The following ZNF891 variants were observed in gnomAD, a reference collection of about 807,000 sequenced individuals.
The protein encoded by ZNF891 is zinc finger protein 891.
For synonymous variants in ZNF891, 199 were observed against 209.0 expected, an observed-to-expected ratio of 0.95 and a Z score of 0.41; for missense variants, 589 against 632.7, an observed-to-expected ratio of 0.93 and a Z score of 0.74.
Position 133,106,105 on chromosome 12 carries a change from G to A in ZNF891, c.*14179C>T. The A allele has an allele frequency of 2.5e-6, 4 of 1,614,100 alleles. No individual in the cohort carries two copies. Among genetic ancestry groups the A allele is most frequent in the Non-Finnish European group, 1.7e-6 (2 of 1,179,996 alleles). Reference sequence around the variant, plus strand: ...TAGGAAAGAAACAATATATATGTAGGAAATGTGGTAAAGCATTTAGCAGTG... The same window carrying A: ...TAGGAAAGAAACAATATATATGTAGAAAATGTGGTAAAGCATTTAGCAGTG... On this transcript the variant is annotated 3_prime_UTR_variant, in exon 2 of 2. Transcript: ENST00000537226.
chr12:133,125,555 A>C, intron 1 of ZNF891: 1 of 190,252 alleles, frequency 5.3e-6, no homozygotes, highest in Non-Finnish European at 1.1e-5. Context: ...AAGGTCAAAA[A>C]GGCAGTGGTG....
chr12:133,124,736 AATATAAAAGGCCTTTTAT>A (rs1409846639), intron 1 of ZNF891, among the ~76,000 whole-genome samples: 2 of 144,834 alleles, frequency 1.4e-5, no homozygotes, highest in Non-Finnish European at 3.1e-5. Context: ...GACTGAGAGC[AATATAAAAGGCCTTTTAT>A]ATTGCTCTCA....
Position 133,120,192 on chromosome 12 carries a change from C to A in ZNF891, c.*92G>T. 1 of 1,074,778 alleles carries A rather than the reference C, an allele frequency of 9.3e-7. No individual in the cohort carries two copies. Among genetic ancestry groups the A allele is most frequent in the Non-Finnish European group, 1.3e-6 (1 of 783,302 alleles). The allele number at this position is 1,074,778 out of a possible 1,614,324, so 66.6% of individuals were successfully genotyped here. A position where few individuals can be genotyped will look rare whatever the true frequency, so the allele number is the denominator to read the frequency against. On this transcript the variant is annotated 3_prime_UTR_variant, in exon 2 of 2. Coordinates refer to ENST00000537226, the MANE Select transcript of ZNF891 (RefSeq NM_001277291.2). Reference sequence around the variant, plus strand: ...TATTAAAAAAAGAGCCATTTGTAACCTTAAATCGTTCTTTTAGAGAACAAA... The same window carrying A: ...TATTAAAAAAAGAGCCATTTGTAACATTAAATCGTTCTTTTAGAGAACAAA...
intron 1 of ZNF891, among the ~76,000 whole-genome samples, chr12:133,127,678 G>T (rs1955830199): frequency 6.6e-6 from 1 of 152,198 alleles, no homozygotes; most frequent in East Asian, 1.9e-4. Context: ...ACAGGAAACA[G>T]GAGATTTAAC....
At position 133,106,033 on chromosome 12, in the gene ZNF891, G is replaced by A; in HGVS notation, c.*14251C>T. 6.2e-7 allele frequency: 1 copy of A among 1,614,092 alleles called. No individual in the cohort carries two copies. Among genetic ancestry groups the A allele is most frequent in the South Asian group, 1.1e-5 (1 of 91,064 alleles). The stretch of plus-strand genomic sequence containing the variant: ...CTTATGAATGTACTGAGTGTGGAAA[G>A]GCCTTTAGCCGTGCCTCCAACCTCA... On this transcript the variant is annotated 3_prime_UTR_variant, in exon 2 of 2. Transcript: ENST00000537226.
intron 1 of ZNF891, among the ~76,000 whole-genome samples, chr12:133,128,459 C>T (rs61951784): frequency 7.3e-4 from 111 of 152,038 alleles, no homozygotes; most frequent in Non-Finnish European, 1.3e-3. Context: ...CCGTGAAACC[C>T]CGTCTCTACT....
chr12:133,105,875 C>T lies in ZNF891; in HGVS notation c.*14409G>A, dbSNP rs1593811288. 2 of 1,614,120 alleles carry T rather than the reference C, an allele frequency of 1.2e-6. No homozygotes were observed. The highest frequency in any genetic ancestry group is 1.7e-6 in the Non-Finnish European group (2 of 1,180,024). On this transcript the variant is annotated 3_prime_UTR_variant, in exon 2 of 2. Transcript: ENST00000537226. ...TAAGGAATGTGGCAAAACCTTTAGC[C>T]AGATTTCAAACCTTGTGAAACACCA...
Position 133,107,491 on chromosome 12 carries a change from A to G in ZNF891, c.*12793T>C, listed in dbSNP as rs1955639870. On this transcript the variant is annotated 3_prime_UTR_variant, in exon 2 of 2. Coordinates refer to ENST00000537226, the MANE Select transcript of ZNF891 (RefSeq NM_001277291.2). ...CTGAAAATGTAACTACAATATTGAC[A>G]TAAAAAATAAACAGTAGTTTTTCTT... 6.6e-6 allele frequency: 1 copy of G among 152,102 alleles called. No individual in the cohort carries two copies. Among genetic ancestry groups the G allele is most frequent in the African/African-American group, 2.4e-5 (1 of 41,474 alleles). The allele number at this position is 152,102 out of a possible 1,614,324, so 9.4% of individuals were successfully genotyped here. A position where few individuals can be genotyped will look rare whatever the true frequency, so the allele number is the denominator to read the frequency against.
Position 133,116,760 on chromosome 12 carries a change from C to T in ZNF891, c.*3524G>A, listed in dbSNP as rs769600871. 6.6e-6 allele frequency: 1 copy of T among 152,194 alleles called. No individual in the cohort carries two copies. The highest frequency in any genetic ancestry group is 1.5e-5 in the Non-Finnish European group (1 of 68,066). 9.4% of individuals were successfully genotyped at this position (152,194 alleles called of 1,614,324 possible). A position where few individuals can be genotyped will look rare whatever the true frequency, so the allele number is the denominator to read the frequency against. On this transcript the variant is annotated 3_prime_UTR_variant, in exon 2 of 2. Transcript: ENST00000537226. ...TTCCCTTAATAAACTCCCTTAATAT[C>T]CTCAACTATTTCCCTGAACATTTCC...
Position 133,115,384 on chromosome 12 carries a change from CCTT to C in ZNF891, c.*4897_*4899del, listed in dbSNP as rs1955709779. 1 of 48,354 alleles carries C rather than the reference CCTT, an allele frequency of 2.1e-5. No individual in the cohort carries two copies. The highest frequency in any genetic ancestry group is 4.6e-5 in the Non-Finnish European group (1 of 21,638). 3.0% of individuals were successfully genotyped at this position (48,354 alleles called of 1,614,324 possible). A position where few individuals can be genotyped will look rare whatever the true frequency, so the allele number is the denominator to read the frequency against. ...CTCCAGCCTGGGAAAAAGCAAAACT[CCTT>C]CTCAAAAAAAAAAAAAAAAAAAAAA... On this transcript the variant is annotated 3_prime_UTR_variant, in exon 2 of 2. Coordinates refer to ENST00000537226, the MANE Select transcript of ZNF891 (RefSeq NM_001277291.2).
rs1409799400 is a variant in ZNF891 at position 133,110,932 on chromosome 12, G to A, written c.*9352C>T. The A allele has an allele frequency of 2.6e-5, 4 of 152,072 alleles. No homozygotes were observed. Among genetic ancestry groups the A allele is most frequent in the Admixed American group, 6.6e-5 (1 of 15,252 alleles). 9.4% of individuals were successfully genotyped at this position (152,072 alleles called of 1,614,324 possible). ...CACGCTACTGTATTCCAGCCTGGGCGACAAAGCAAGATTCCATCTCAACAA... is the reference window on the plus strand; with the variant it reads ...CACGCTACTGTATTCCAGCCTGGGCAACAAAGCAAGATTCCATCTCAACAA... On this transcript the variant is annotated 3_prime_UTR_variant, in exon 2 of 2. Transcript: ENST00000537226.
In ZNF891 at chr12:133,125,842, T is replaced by G. The variant is rs1249562459; in HGVS notation, c.-106-3818A>C. On this transcript the variant is annotated intron_variant, in intron 1 of 1. Coordinates refer to ENST00000537226, the MANE Select transcript of ZNF891 (RefSeq NM_001277291.2). ...TTGTGAAGAAGCTCTATGACACTGA[T>G]GTGGCCAAGGTCAACACCTTGATCA... is the stretch of plus-strand genomic sequence containing the variant. 1.2e-5 allele frequency: 6 copies of G among 503,202 alleles called. No individual in the cohort carries two copies. In the East Asian group the frequency reaches 3.3e-4, roughly 28 times the overall value. The allele number at this position is 503,202 out of a possible 1,614,324, so 31.2% of individuals were successfully genotyped here. A position where few individuals can be genotyped will look rare whatever the true frequency, so the allele number is the denominator to read the frequency against.
chr12:133,107,429 CCTT>C lies in ZNF891; in HGVS notation c.*12852_*12854del, dbSNP rs761746162. 1.8e-4 allele frequency: 28 copies of C among 152,132 alleles called. No individual in the cohort carries two copies. The highest frequency in any genetic ancestry group is 4.6e-4 in the African/African-American group (19 of 41,510). 9.4% of individuals were successfully genotyped at this position (152,132 alleles called of 1,614,324 possible). ...AATAAATCTTTTGGTTTATTATAAA[CCTT>C]CTGCTTGCTGATTTTTTCCCACAGC... On this transcript the variant is annotated 3_prime_UTR_variant, in exon 2 of 2. Transcript: ENST00000537226.
chr12:133,120,229 G>C lies in ZNF891; in HGVS notation c.*55C>G, dbSNP rs899635787. 7 of 1,365,634 alleles carry C rather than the reference G, an allele frequency of 5.1e-6. No individual in the cohort carries two copies. The African/African-American group carries it at 1.0e-4, about 20-fold the overall frequency. The allele number at this position is 1,365,634 out of a possible 1,614,324, so 84.6% of individuals were successfully genotyped here. Reference sequence around the variant, plus strand: ...TTTTAGAGAACAAAGACTGAGACAAGGAGCTTGGAATCCACCTTAAGACAA... The same window carrying C: ...TTTTAGAGAACAAAGACTGAGACAACGAGCTTGGAATCCACCTTAAGACAA... On this transcript the variant is annotated 3_prime_UTR_variant, in exon 2 of 2. Coordinates refer to ENST00000537226, the MANE Select transcript of ZNF891 (RefSeq NM_001277291.2).
In ZNF891 at chr12:133,107,967, A is replaced by G. The variant is rs1352637042; in HGVS notation, c.*12317T>C. 6.6e-6 allele frequency: 1 copy of G among 152,228 alleles called. No homozygotes were observed. Among genetic ancestry groups the G allele is most frequent in the East Asian group, 1.9e-4 (1 of 5,204 alleles). The allele number at this position is 152,228 out of a possible 1,614,324, so 9.4% of individuals were successfully genotyped here. ...AATTTTGTAAGAGGTGAAATTTATA[A>G]AAGTTTTAGCCCAAAAACACCTTAT... On this transcript the variant is annotated 3_prime_UTR_variant, in exon 2 of 2. Coordinates refer to ENST00000537226, the MANE Select transcript of ZNF891 (RefSeq NM_001277291.2).
At chr12:133,123,902 C>T (rs1024316277) in intron 1 of ZNF891, among the ~76,000 whole-genome samples, 1 of 152,090 alleles carries the variant, frequency 6.6e-6, no homozygotes. Flanking sequence ...CACTAAACAA[C>T]TTTACTAAAC....
Position 133,106,461 on chromosome 12 carries a change from G to C in ZNF891, c.*13823C>G, listed in dbSNP as rs1367528001. ...TGTGCTGAATGTGATAAAGCCTTCA[G>C]CCGGAGCTTTTCCCTCATTCTACAT... is the stretch of plus-strand genomic sequence containing the variant. On this transcript the variant is annotated 3_prime_UTR_variant, in exon 2 of 2. Transcript: ENST00000537226. 6.2e-7 allele frequency: 1 copy of C among 1,614,056 alleles called. No homozygotes were observed. The highest frequency in any genetic ancestry group is 1.1e-5 in the South Asian group (1 of 91,074).
At chr12:133,126,321 A>G (rs1188652873) in intron 1 of ZNF891, among the ~76,000 whole-genome samples, 1 of 152,006 alleles carries the variant, frequency 6.6e-6, no homozygotes, top group East Asian at 1.9e-4. Context: ...AAAAATATAA[A>G]AAATTAGCCG....
Position 133,118,773 on chromosome 12 carries a change from G to A in ZNF891, c.*1511C>T, listed in dbSNP as rs1198556781. On this transcript the variant is annotated 3_prime_UTR_variant, in exon 2 of 2. Transcript: ENST00000537226. ...GGTTCTATCTTCATCTGCTGCTTAAGCATAAAAGCTCGGTCAACATTCCTT... is the reference window on the plus strand; with the variant it reads ...GGTTCTATCTTCATCTGCTGCTTAAACATAAAAGCTCGGTCAACATTCCTT... 1 of 152,194 alleles carries A rather than the reference G, an allele frequency of 6.6e-6. No homozygotes were observed. The highest frequency in any genetic ancestry group is 1.9e-4 in the East Asian group (1 of 5,208). 9.4% of individuals were successfully genotyped at this position (152,194 alleles called of 1,614,324 possible). A position where few individuals can be genotyped will look rare whatever the true frequency, so the allele number is the denominator to read the frequency against.
Sources: allele counts gnomAD v4.1 joint callset (sites outside exome capture counted in the v4.1 genomes callset), GRCh38; gene constraint gnomAD v4.1.1; transcripts MANE v1.5; gene names NCBI Gene and HGNC (gene_info 2026-07-23, HGNC 2026-07-21).